Variants in CASP1 observed in about 807,000 individuals in gnomAD.
CASP1 encodes caspase-1.
Under a neutral mutation model 41.2 loss-of-function variants are expected in CASP1, and 31 were observed. That is an observed-to-expected ratio of 0.75 (90% CI 0.57 to 1.02). The LOEUF is 1.02. Ranked by LOEUF, CASP1 falls within the 50% of genes least tolerant of loss-of-function variation. The pLI is 0.00. For synonymous variants in CASP1, 163 were observed against 166.5 expected (o/e 0.98, Z 0.16); for missense variants, 490 against 495.7 (o/e 0.99, Z 0.11).
In CASP1 at chr11:105,025,776, G is replaced by C. The variant is rs543408482; in HGVS notation, c.*482C>G. 3.5e-6 allele frequency: 1 copy of C among 285,062 alleles called. No individual in the cohort carries two copies. The highest frequency in any genetic ancestry group is 9.4e-5 in the East Asian group (1 of 10,606). The allele number at this position is 285,062 out of a possible 1,614,324, so 17.7% of individuals were successfully genotyped here. A position where few individuals can be genotyped will look rare whatever the true frequency, so the allele number is the denominator to read the frequency against. On this transcript the variant is annotated 3_prime_UTR_variant, in exon 9 of 9. Transcript: ENST00000533400. ...AGGAGAGAAACATCCAAAAGTGAGG[G>C]TTTGTAGTCTTACGGCCACTTCTAG...
At position 105,030,504 on chromosome 11, in the gene CASP1, C is replaced by A. The variant is rs1727451843; in HGVS notation, c.454-1G>T. The A allele has an allele frequency of 1.2e-6, 2 of 1,609,002 alleles. No individual in the cohort carries two copies. Among genetic ancestry groups the A allele is most frequent in the Non-Finnish European group, 1.7e-6 (2 of 1,177,768 alleles). ...TTGACTTGTCCATTATTGGATAAAT[C>A]TGTAGGAAATGCAATTTGAATGAAC... is the stretch of plus-strand genomic sequence containing the variant. On this transcript the variant is annotated splice_acceptor_variant, in intron 4 of 8. Coordinates refer to ENST00000533400, the MANE Select transcript of CASP1 (RefSeq NM_001257118.3). LOFTEE classifies it high-confidence loss of function.
At chr11:105,033,448 T>C (rs78794435) in intron 2 of CASP1, among the ~76,000 whole-genome samples, 3,982 of 152,244 alleles carry the variant, frequency 0.026, 157 homozygotes, top group African/African-American at 0.09. Flanking sequence ...TGAAGTGGCT[T>C]TAGGAAGTGC....
chr11:105,034,101 C>A lies in CASP1; in HGVS notation c.274+107G>T, dbSNP rs1339106348. ...TGCTACAGAAATATGGCCCTGAAGC[C>A]AGAAATAAGAAAGTTTTCTTCCAAT... On this transcript the variant is annotated intron_variant, in intron 2 of 8. Transcript: ENST00000533400. The A allele has an allele frequency of 2.5e-6, 4 of 1,591,178 alleles. No homozygotes were observed. In the East Asian group the frequency reaches 8.9e-5, roughly 36 times the overall value.
intron 3 of CASP1, among the ~76,000 whole-genome samples, 158 bp downstream of exon 3, chr11:105,032,906 A>G (rs1863783637): frequency 6.6e-6 from 1 of 152,202 alleles, no homozygotes; most frequent in African/African-American, 2.4e-5. Context: ...GAAGCTGTGG[A>G]AACAGTTTCT....
chr11:105,033,921 A>C (rs560913641), intron 2 of CASP1: 46 of 722,694 alleles, frequency 6.4e-5, no homozygotes, highest in Non-Finnish European at 1.1e-4. Context: ...GGAACACTGG[A>C]AAACACAGCA....
intron 2 of CASP1, 148 bp downstream of exon 2, chr11:105,034,060 C>T: frequency 7.9e-7 from 1 of 1,267,724 alleles, no homozygotes; most frequent in Non-Finnish European, 1.1e-6. Context: ...AGTCAAGGGA[C>T]ATGCAATAGG....
chr11:105,028,460 G>A (rs960419916), intron 7 of CASP1, among the ~76,000 whole-genome samples: 4 of 151,840 alleles, frequency 2.6e-5, no homozygotes, highest in Non-Finnish European at 1.5e-5. Context: ...TTTAATGTGT[G>A]CTTTATTTTG....
chr11:105,035,865 C>T (rs1472774103), upstream of CASP1, among the ~76,000 whole-genome samples: 1 of 152,032 alleles, frequency 6.6e-6, no homozygotes, highest in Non-Finnish European at 1.5e-5. Context: ...ATGTGCCCAC[C>T]TTGGTCTCCC....
upstream of CASP1, chr11:105,035,366 A>C (rs1940956594): frequency 1.2e-5 from 6 of 519,264 alleles, no homozygotes; most frequent in Middle Eastern, 4.3e-4. Context: ...AGGATTGAAA[A>C]AGTATGTGTA....
At chr11:105,030,832 C>T (rs889498987) in intron 4 of CASP1, 4 of 348,686 alleles carry the variant, frequency 1.1e-5, no homozygotes, top group African/African-American at 8.4e-5. Context: ...ATTTAACAAT[C>T]CCGTCTCAGC....
intron 7 of CASP1, among the ~76,000 whole-genome samples, chr11:105,027,600 AG>A (rs1863395459): frequency 6.6e-6 from 1 of 152,148 alleles, no homozygotes; most frequent in African/African-American, 2.4e-5. Flanking sequence ...CAGCAGCAAT[AG>A]CTCTGTATGT....
At chr11:105,035,287 T>C (rs971837565), upstream of CASP1, 1 of 881,542 alleles carries the variant, frequency 1.1e-6, no homozygotes, top group East Asian at 2.5e-5. Flanking sequence ...AGTGTATCCA[T>C]GGGAAATTTT....
intron 3 of CASP1, among the ~76,000 whole-genome samples, chr11:105,032,318 A>G (rs1344690482): frequency 1.3e-5 from 2 of 152,154 alleles, no homozygotes; most frequent in Non-Finnish European, 1.5e-5. Flanking sequence ...AACTAGAAGT[A>G]GTTAGGTTAT....
Position 105,025,718 on chromosome 11 carries a change from C to T in CASP1, c.*540G>A. ...TACACAATTTTAAAAGGAAAGACCA[C>T]ATGCTATGTTTAAATATACCCTGCT... On this transcript the variant is annotated 3_prime_UTR_variant, in exon 9 of 9. Coordinates refer to ENST00000533400, the MANE Select transcript of CASP1 (RefSeq NM_001257118.3). The T allele has an allele frequency of 3.2e-6, 1 of 311,588 alleles. No individual in the cohort carries two copies. Among genetic ancestry groups the T allele is most frequent in the South Asian group, 2.8e-5 (1 of 35,964 alleles). 19.3% of individuals were successfully genotyped at this position (311,588 alleles called of 1,614,324 possible). A position where few individuals can be genotyped will look rare whatever the true frequency, so the allele number is the denominator to read the frequency against.
In CASP1 at chr11:105,034,346, C is replaced by T; in HGVS notation, c.136G>A (p.Glu46Lys). 1 of 1,614,126 alleles carries T rather than the reference C, an allele frequency of 6.2e-7. No homozygotes were observed. Among genetic ancestry groups the T allele is most frequent in the Non-Finnish European group, 8.5e-7 (1 of 1,179,996 alleles). ...GTCTTATCCATAACTGTAGCATTTT[C>T]ACGTTTTACTTTCTCCATCTCTTCC... ...NKEEMEKVKR[E>K]NATVMDKTRA... is the part of the protein sequence containing the mutation. Residue 46 changes from glutamate to lysine, a missense_variant, in exon 2 of 9, where the codon GAA becomes AAA. Physicochemically the swap from Glu to Lys is moderately conservative, Grantham distance 56. Transcript: ENST00000533400.
chr11:105,035,616 C>CTTTTTTTTTTTTTTTTTT (rs770202897), upstream of CASP1, among the ~76,000 whole-genome samples: 283 of 52,014 alleles, frequency 5.4e-3, 4 homozygotes, highest in Non-Finnish European at 7.1e-3. Context: ...TTTTTTCTTT[C>CTTTTTTTTTTTTTTTTTT]TGTTTTTTTT....
chr11:105,029,633 T>G, intron 6 of CASP1, 32 bp downstream of exon 6: 1 of 1,482,484 alleles, frequency 6.7e-7, no homozygotes, highest in Non-Finnish European at 9.4e-7. Context: ...AGTATTTGAT[T>G]GTCTGGTGTT....
intron 3 of CASP1, among the ~76,000 whole-genome samples, chr11:105,032,457 C>T (rs1411260866): frequency 6.6e-6 from 1 of 152,080 alleles, no homozygotes; most frequent in Non-Finnish European, 1.5e-5. Context: ...AATATCTGAA[C>T]TTGATAAATA....
rs528978004 is a variant in CASP1, at chr11:105,025,603, A to G, written c.*655T>C. The G allele has an allele frequency of 4.7e-4, 192 of 404,384 alleles. No individual in the cohort carries two copies. Among genetic ancestry groups the G allele is most frequent in the Non-Finnish European group, 7.6e-4 (158 of 208,778 alleles). The allele number at this position is 404,384 out of a possible 1,614,324, so 25.0% of individuals were successfully genotyped here. ...TTACAGAAGGATCTCTTCACTTCCT[A>G]TGAGAAAAAGAAATAATTAAAAAAA... is the stretch of plus-strand genomic sequence containing the variant. On this transcript the variant is annotated 3_prime_UTR_variant, in exon 9 of 9. Coordinates refer to ENST00000533400, the MANE Select transcript of CASP1 (RefSeq NM_001257118.3).
Sources: allele counts gnomAD v4.1 joint callset (sites outside exome capture counted in the v4.1 genomes callset), GRCh38; gene constraint gnomAD v4.1.1; transcripts MANE v1.5; gene names NCBI Gene and HGNC (gene_info 2026-07-23, HGNC 2026-07-21).